DENND4C: variants seen among roughly 807,000 people sequenced by gnomAD.
DENND4C encodes DENN domain containing 4C.
DENND4C carries 108 observed loss-of-function variants against 203.0 expected under a neutral mutation model. The ratio of observed to expected loss-of-function variants is 0.53; its 90% CI spans 0.46 to 0.62. The LOEUF (loss-of-function observed/expected upper bound fraction) is 0.62, where lower values mean the gene tolerates loss of function less well. Among genes scored for constraint, DENND4C ranks in the 20% least tolerant of loss-of-function variants. The pLI is 0.00. For synonymous variants in DENND4C, 871 were observed against 792.4 expected (o/e 1.10, Z -1.67); for missense variants, 2,481 against 2,301.2 (o/e 1.08, Z -1.60).
intron 13 of DENND4C, among the ~76,000 whole-genome samples, chr9:19,324,916 C>A (rs996787753): frequency 1.3e-5 from 2 of 152,080 alleles, no homozygotes; most frequent in Non-Finnish European, 2.9e-5. Flanking sequence ...TGAGGTCTCA[C>A]TGTATTGCCC....
chr9:19,374,109 G>A lies in DENND4C; in HGVS notation c.*1936G>A, dbSNP rs1348747873. On this transcript the variant is annotated 3_prime_UTR_variant, in exon 33 of 33. Transcript: ENST00000434457. ...TACCTTGCATATAAAAATTGAGGTT[G>A]AATAAAATGAAAAATTGTTGTTTTC... 6.6e-6 allele frequency among the ~76,000 whole-genome samples: 1 copy of A among 152,074 alleles called. No individual in the cohort carries two copies. The highest frequency in any genetic ancestry group is 1.5e-5 in the Non-Finnish European group (1 of 68,002).
At chr9:19,360,969 G>A (rs1163955548) in intron 29 of DENND4C, among the ~76,000 whole-genome samples, 2 of 152,128 alleles carry the variant, frequency 1.3e-5, no homozygotes, top group East Asian at 3.9e-4. Flanking sequence ...CTTTTTCTGG[G>A]TTCAAGTGAT....
intron 1 of DENND4C, among the ~76,000 whole-genome samples, chr9:19,263,726 C>T (rs1260284521): frequency 1.3e-5 from 2 of 151,410 alleles, no homozygotes; most frequent in Non-Finnish European, 2.9e-5. Context: ...ACGATCTGGG[C>T]TTGCTGCAAC....
chr9:19,295,321 C>T (rs943302220), intron 5 of DENND4C, among the ~76,000 whole-genome samples: 5 of 152,042 alleles, frequency 3.3e-5, no homozygotes, highest in Admixed American at 6.6e-5. Context: ...CTGGCTAACA[C>T]GGTGAAACCC....
Position 19,356,954 on chromosome 9 carries a change from C to T in DENND4C, c.4782-18C>T, listed in dbSNP as rs115070350. The T allele has an allele frequency of 1.4e-3, 2,283 of 1,606,864 alleles. 43 individuals carry two copies. The African/African-American group carries it at 0.028, about 20-fold the overall frequency. On this transcript the variant is annotated intron_variant, in intron 26 of 32. Coordinates refer to ENST00000434457, the MANE Select transcript of DENND4C (RefSeq NM_001330640.2). The stretch of plus-strand genomic sequence containing the variant: ...GAGGATTTTTAAAGGCTCTTTTTCC[C>T]CCCTTTTCCTTATGTAGCTTTTTCC...
At chr9:19,281,225 T>C (rs1833985733) in intron 2 of DENND4C, among the ~76,000 whole-genome samples, 1 of 143,604 alleles carries the variant, frequency 7.0e-6, no homozygotes, top group South Asian at 2.2e-4. Flanking sequence ...ATACACATCT[T>C]GCAGTTCCTA....
chr9:19,353,039 C>T lies in DENND4C; in HGVS notation c.4781+374C>T, dbSNP rs116957722. On this transcript the variant is annotated intron_variant, in intron 26 of 32. Transcript: ENST00000434457. ...TGGTAGCAGTTACTAGGAAGGCTGACATAGGAGGATCGCGTGAGCCCAGGA... is the reference window on the plus strand; with the variant it reads ...TGGTAGCAGTTACTAGGAAGGCTGATATAGGAGGATCGCGTGAGCCCAGGA... Among the ~76,000 whole-genome samples the T allele has an allele frequency of 3.9e-3, 588 of 152,090 alleles. 2 individuals are homozygous for T. The highest frequency in any genetic ancestry group is 7.0e-3 in the Non-Finnish European group (478 of 67,988).
intron 10 of DENND4C, 98 bp downstream of exon 10, chr9:19,305,625 T>C (rs1839498873): frequency 8.0e-7 from 1 of 1,245,600 alleles, no homozygotes; most frequent in African/African-American, 1.5e-5. Context: ...TTTTTGGTAG[T>C]TGTTAAATCT....
At chr9:19,277,542 G>C (rs1364379694) in intron 2 of DENND4C, among the ~76,000 whole-genome samples, 1 of 151,998 alleles carries the variant, frequency 6.6e-6, no homozygotes, top group Non-Finnish European at 1.5e-5. Flanking sequence ...GAATTTATTA[G>C]TTCTAATAAC....
intron 20 of DENND4C, among the ~76,000 whole-genome samples, chr9:19,340,564 A>C (rs1424118516): frequency 2.6e-5 from 4 of 151,890 alleles, no homozygotes; most frequent in Non-Finnish European, 5.9e-5. Flanking sequence ...CTCTTTATTC[A>C]TTGTATCTTA....
rs1819373290 is a variant in DENND4C, at chr9:19,332,200, T to A, written c.2460+16T>A. ...CTTAGATGAGGCAAGTATAACAAATTGACATTGTTTCTAAGGTAAATTTTA... is the reference window on the plus strand; with the variant it reads ...CTTAGATGAGGCAAGTATAACAAATAGACATTGTTTCTAAGGTAAATTTTA... On this transcript the variant is annotated intron_variant, in intron 17 of 32. Coordinates refer to ENST00000434457, the MANE Select transcript of DENND4C (RefSeq NM_001330640.2). 1 of 1,608,150 alleles carries A rather than the reference T, an allele frequency of 6.2e-7. No individual in the cohort carries two copies. Among genetic ancestry groups the A allele is most frequent in the African/African-American group, 1.3e-5 (1 of 74,676 alleles).
At chr9:19,267,667 G>C (rs1830787156) in intron 1 of DENND4C, among the ~76,000 whole-genome samples, 1 of 152,040 alleles carries the variant, frequency 6.6e-6, no homozygotes, top group Non-Finnish European at 1.5e-5. Context: ...TTCCCAAGTA[G>C]CTAGGACTAC....
intron 10 of DENND4C, among the ~76,000 whole-genome samples, chr9:19,307,920 T>G (rs1246338271): frequency 6.6e-6 from 1 of 152,034 alleles, no homozygotes; most frequent in Non-Finnish European, 1.5e-5. Context: ...ATCTTAGATT[T>G]GGAGTTTATC....
Position 19,346,909 on chromosome 9 carries a change from T to C in DENND4C, c.4140T>C (p.Arg1380=). The C allele has an allele frequency of 3.7e-6, 6 of 1,614,244 alleles. No individual in the cohort carries two copies. The highest frequency in any genetic ancestry group is 5.1e-6 in the Non-Finnish European group (6 of 1,180,048). The change falls in exon 23 of 33, where the codon CGT becomes CGC. Residue 1380 remains arginine (R), a synonymous_variant. Coordinates refer to ENST00000434457, the MANE Select transcript of DENND4C (RefSeq NM_001330640.2). ...ERSTSLSALV[R]SSPHGSLGSV... ...CAACTTCTTTGTCAGCACTGGTGCG[T>C]TCTTCGCCACATGGCTCGTTGGGTT...
chr9:19,246,372 C>T (rs576794518), intron 1 of DENND4C, among the ~76,000 whole-genome samples: 1 of 152,124 alleles, frequency 6.6e-6, no homozygotes, highest in Non-Finnish European at 1.5e-5. Flanking sequence ...TGTCCTTCTA[C>T]TTTGTTTGCT....
intron 2 of DENND4C, among the ~76,000 whole-genome samples, chr9:19,284,011 A>G (rs1243113898): frequency 6.6e-6 from 1 of 152,146 alleles, no homozygotes; most frequent in African/African-American, 2.4e-5. Flanking sequence ...TTTTTTGAGA[A>G]ATTTCAAACA....
At chr9:19,321,079 A>T (rs2131621395) in intron 12 of DENND4C, among the ~76,000 whole-genome samples, 1 of 152,308 alleles carries the variant, frequency 6.6e-6, no homozygotes, top group South Asian at 2.1e-4. Flanking sequence ...GAGTAATTGG[A>T]AGCCTGTAAA....
chr9:19,366,264 C>A (rs571149578), intron 30 of DENND4C, among the ~76,000 whole-genome samples: 2 of 152,282 alleles, frequency 1.3e-5, no homozygotes, highest in Admixed American at 6.5e-5. Context: ...TAAACCCTCA[C>A]ATGTATGTAT....
At chr9:19,277,915 A>G (rs537919675) in intron 2 of DENND4C, among the ~76,000 whole-genome samples, 2 of 151,692 alleles carry the variant, frequency 1.3e-5, no homozygotes, top group African/African-American at 2.4e-5. Context: ...ATGATCATGT[A>G]TTTTTTCTTC....
Sources: gnomAD v4.1 joint callset for allele counts (sites outside exome capture counted in the v4.1 genomes callset) on GRCh38, gnomAD v4.1.1 for gene constraint, MANE v1.5 for transcripts, NCBI Gene and HGNC (gene_info 2026-07-23, HGNC 2026-07-21) for gene names.